The following TBC1D12 variants were observed in gnomAD, a reference collection of about 807,000 sequenced individuals.
TBC1D12 encodes TBC1 domain family member 12.
In TBC1D12, 56 loss-of-function variants were observed where a neutral mutation model predicts 86.7. The ratio of observed to expected loss-of-function variants is 0.65; its 90% CI spans 0.52 to 0.81. The LOEUF (loss-of-function observed/expected upper bound fraction) is 0.81. Among genes scored for constraint, TBC1D12 ranks in the 30% least tolerant of loss-of-function variants. The probability of loss-of-function intolerance (pLI) is 0.00; values close to 1 mark genes in which losing one functional copy is unlikely to be tolerated. For synonymous variants in TBC1D12, 421 were observed against 411.7 expected (o/e 1.02, Z -0.27); for missense variants, 1,023 against 1,038.8 (o/e 0.98, Z 0.21).
intron 2 of TBC1D12, among the ~76,000 whole-genome samples, chr10:94,458,960 C>T (rs907829332): frequency 1.3e-5 from 2 of 152,146 alleles, no homozygotes; most frequent in Admixed American, 1.3e-4. Flanking sequence ...AAAAACAAAG[C>T]TTCCACAGCG....
intron 1 of TBC1D12, among the ~76,000 whole-genome samples, chr10:94,413,591 ACTGT>A (rs1176644369): frequency 6.6e-6 from 1 of 152,138 alleles, no homozygotes; most frequent in Non-Finnish European, 1.5e-5. Context: ...AACCCATGTG[ACTGT>A]CTGGGTTTTC....
In TBC1D12 at chr10:94,483,071, A is replaced by G. The variant is rs201901994; in HGVS notation, c.1211+8288A>G. 1.2e-4 allele frequency among the ~76,000 whole-genome samples: 15 copies of G among 128,146 alleles called. No individual in the cohort carries two copies. The East Asian group carries it at 2.4e-3, about 21-fold the overall frequency. The allele number at this position is 128,146 out of a possible 152,430, so 84.1% of individuals were successfully genotyped here. On this transcript the variant is annotated intron_variant, in intron 3 of 12. Transcript: ENST00000225235. ...TTTTTTTTTTTTGAGTCAGAGTCTC[A>G]CTGTGTCTTCCAGGCTGGAGTACAG...
At chr10:94,505,577 A>T (rs1011976419) in intron 6 of TBC1D12, among the ~76,000 whole-genome samples, 1 of 152,200 alleles carries the variant, frequency 6.6e-6, no homozygotes, top group South Asian at 2.1e-4. Context: ...TGTCTCAAAA[A>T]ATAAGAAGAA....
At position 94,403,009 on chromosome 10, in the gene TBC1D12, C is replaced by G. The variant is rs200792738; in HGVS notation, c.396C>G (p.Gly132=). 6.3e-7 allele frequency: 1 copy of G among 1,575,410 alleles called. No individual in the cohort carries two copies. Among genetic ancestry groups the G allele is most frequent in the African/African-American group, 1.4e-5 (1 of 70,600 alleles). The part of the protein sequence containing the change: ...VADGRAPRHE[G]MTNGDSGFLP... Reference sequence around the variant, plus strand: ...ATGGCCGCGCGCCGCGGCACGAAGGCATGACCAACGGCGACTCGGGTTTTC... The same window carrying G: ...ATGGCCGCGCGCCGCGGCACGAAGGGATGACCAACGGCGACTCGGGTTTTC... Residue 132 remains glycine, a synonymous_variant, in exon 1 of 13, where the codon GGC becomes GGG. Transcript: ENST00000225235.
intron 6 of TBC1D12, among the ~76,000 whole-genome samples, chr10:94,506,652 A>G (rs554106958): frequency 1.3e-5 from 2 of 152,312 alleles, no homozygotes; most frequent in South Asian, 4.1e-4. Context: ...CACTTAAATT[A>G]AAAAGATAGG....
rs2054856161 is a variant in TBC1D12 at position 94,406,564 on chromosome 10, A to G, written c.971+2980A>G. 3.3e-5 allele frequency among the ~76,000 whole-genome samples: 5 copies of G among 152,228 alleles called. No individual in the cohort carries two copies. The South Asian group carries it at 1.0e-3, about 32-fold the overall frequency. ...AAGAACACCATTCAGATTGGGTTGA[A>G]TAGGTAGCTTTCATGGATTCCCTTT... On this transcript the variant is annotated intron_variant, in intron 1 of 12. Transcript: ENST00000225235.
intron 6 of TBC1D12, among the ~76,000 whole-genome samples, chr10:94,503,297 G>T (rs1284231054): frequency 6.6e-6 from 1 of 152,146 alleles, no homozygotes; most frequent in East Asian, 1.9e-4. Context: ...AGATTAAAAT[G>T]AATGAGAATT....
chr10:94,507,056 T>A (rs1324612309), intron 6 of TBC1D12, among the ~76,000 whole-genome samples: 2 of 152,206 alleles, frequency 1.3e-5, no homozygotes, highest in African/African-American at 4.8e-5. Flanking sequence ...ACATTCTGTA[T>A]GGATGATTAC....
rs1237715742 is a variant in TBC1D12, at chr10:94,403,234, G to A, written c.621G>A (p.Ala207=). 1 of 1,506,528 alleles carries A rather than the reference G, an allele frequency of 6.6e-7. No individual in the cohort carries two copies. The highest frequency in any genetic ancestry group is 8.9e-7 in the Non-Finnish European group (1 of 1,129,550). The allele number at this position is 1,506,528 out of a possible 1,614,324, so 93.3% of individuals were successfully genotyped here. A position where few individuals can be genotyped will look rare whatever the true frequency, so the allele number is the denominator to read the frequency against. Reference sequence around the variant, plus strand: ...TGCGGAGCTGCTGCCTGGTGGCCGCGGACGCCCAGGAGCCCGAGGGCGCGG... The same window carrying A: ...TGCGGAGCTGCTGCCTGGTGGCCGCAGACGCCCAGGAGCCCGAGGGCGCGG... The part of the protein sequence containing the change: ...DPLRSCCLVA[A]DAQEPEGAGS... Residue 207 remains alanine, a synonymous_variant, in exon 1 of 13, where the codon GCG becomes GCA. Coordinates refer to ENST00000225235, the MANE Select transcript of TBC1D12 (RefSeq NM_015188.2).
At position 94,536,074 on chromosome 10, in the gene TBC1D12, C is replaced by G. The variant is rs768653221; in HGVS notation, c.*2978C>G. 6.6e-6 allele frequency: 1 copy of G among 152,056 alleles called. No individual in the cohort carries two copies. The highest frequency in any genetic ancestry group is 1.5e-5 in the Non-Finnish European group (1 of 67,982). The allele number at this position is 152,056 out of a possible 1,614,324, so 9.4% of individuals were successfully genotyped here. A position where few individuals can be genotyped will look rare whatever the true frequency, so the allele number is the denominator to read the frequency against. ...TAAGCCTTCAGTCTTTTTAGACTGA[C>G]AGTACTGGCAGCTAAAATATTGTAC... On this transcript the variant is annotated 3_prime_UTR_variant, in exon 13 of 13. Coordinates refer to ENST00000225235, the MANE Select transcript of TBC1D12 (RefSeq NM_015188.2).
chr10:94,503,012 CTTTT>C (rs1046856796), intron 6 of TBC1D12, among the ~76,000 whole-genome samples: 4 of 151,996 alleles, frequency 2.6e-5, no homozygotes, highest in Non-Finnish European at 5.9e-5. Flanking sequence ...TAAAGCTTTT[CTTTT>C]TTATTTTTTC....
At position 94,535,530 on chromosome 10, in the gene TBC1D12, A is replaced by G. The variant is rs1490862745; in HGVS notation, c.*2434A>G. ...GGGTCATTCTAGTCTAAGGACTACT[A>G]GTAGAACCCTCAAAAGGTAATTGCT... On this transcript the variant is annotated 3_prime_UTR_variant, in exon 13 of 13. Transcript: ENST00000225235. The G allele has an allele frequency of 6.6e-6, 1 of 152,144 alleles. No individual in the cohort carries two copies. Among genetic ancestry groups the G allele is most frequent in the East Asian group, 1.9e-4 (1 of 5,204 alleles). 9.4% of individuals were successfully genotyped at this position (152,144 alleles called of 1,614,324 possible). A position where few individuals can be genotyped will look rare whatever the true frequency, so the allele number is the denominator to read the frequency against.
In TBC1D12 at chr10:94,402,980, G is replaced by T; in HGVS notation, c.367G>T (p.Ala123Ser). 1 of 1,575,388 alleles carries T rather than the reference G, an allele frequency of 6.3e-7. No individual in the cohort carries two copies. Among genetic ancestry groups the T allele is most frequent in the Admixed American group, 1.8e-5 (1 of 55,970 alleles). The change falls in exon 1 of 13, where the codon GCT (alanine) becomes TCT (serine). Residue 123 changes from alanine to serine, a missense_variant. Ala to Ser is a moderately conservative substitution (Grantham distance 99, BLOSUM62 1). Around this residue, in one of 2 missense-constraint regions of TBC1D12, gnomAD observed 628 missense variants for 531.1 expected, o/e 1.18. Transcript: ENST00000225235. ...SGSKHRGAEV[A>S]DGRAPRHEGM... ...CTCCAAACACCGCGGCGCGGAGGTGGCTGATGGCCGCGCGCCGCGGCACGA... is the reference window on the plus strand; with the variant it reads ...CTCCAAACACCGCGGCGCGGAGGTGTCTGATGGCCGCGCGCCGCGGCACGA...
chr10:94,528,774 A>T (rs1842358040), intron 11 of TBC1D12, among the ~76,000 whole-genome samples: 4 of 151,472 alleles, frequency 2.6e-5, no homozygotes, highest in Admixed American at 2.6e-4. Flanking sequence ...GTGAGCCGAG[A>T]TCCTGCCACT....
intron 2 of TBC1D12, among the ~76,000 whole-genome samples, chr10:94,461,686 A>C (rs1383393243): frequency 6.6e-6 from 1 of 151,982 alleles, no homozygotes; most frequent in Admixed American, 6.6e-5. Flanking sequence ...AGCCTCTATC[A>C]GTTTGTCAAT....
At chr10:94,418,408 T>G (rs1199437696) in intron 1 of TBC1D12, among the ~76,000 whole-genome samples, 1 of 152,168 alleles carries the variant, frequency 6.6e-6, no homozygotes, top group East Asian at 1.9e-4. Context: ...AAGTGCTGAA[T>G]TTTGTTTTAT....
At chr10:94,532,883 T>C in intron 12 of TBC1D12, 145 bp from the exon 13 acceptor site, 2 of 493,102 alleles carry the variant, frequency 4.1e-6, no homozygotes, top group Non-Finnish European at 7.0e-6. Flanking sequence ...TAGAAAAAAA[T>C]AAAGGGGATT....
At chr10:94,498,656 A>G (rs2056354903) in intron 5 of TBC1D12, among the ~76,000 whole-genome samples, 1 of 152,094 alleles carries the variant, frequency 6.6e-6, no homozygotes, top group Non-Finnish European at 1.5e-5. Context: ...GGGCTTCACC[A>G]TATTGGCCAG....
At chr10:94,492,058 G>A (rs745816272) in intron 3 of TBC1D12, among the ~76,000 whole-genome samples, 6 of 152,134 alleles carry the variant, frequency 3.9e-5, no homozygotes, top group Non-Finnish European at 5.9e-5. Flanking sequence ...CATAGAGCAC[G>A]GTGTTCAGTT....
Sources: allele counts gnomAD v4.1 joint callset (sites outside exome capture counted in the v4.1 genomes callset), GRCh38; gene constraint gnomAD v4.1.1; regional missense constraint gnomAD v4.1.1; transcripts MANE v1.5; gene names NCBI Gene and HGNC (gene_info 2026-07-23, HGNC 2026-07-21).